The following ANK2 variants were observed in gnomAD, a reference collection of about 807,000 sequenced individuals.
The protein encoded by ANK2 is ankyrin-2.
Under a neutral mutation model 360.5 loss-of-function variants are expected in ANK2, and 83 were observed. The observed-to-expected ratio is 0.23, with a 90% CI of 0.19 to 0.28. The LOEUF (loss-of-function observed/expected upper bound fraction) is 0.28, where lower values mean the gene tolerates loss of function less well. ANK2 is among the 10% of genes least tolerant of loss of function. The pLI, the probability that ANK2 is intolerant of heterozygous loss-of-function variation, is 1.00. For missense variants in ANK2, 4,201 were observed against 4,795.7 expected, an observed-to-expected ratio of 0.88 and a Z score of 3.66; for synonymous variants, 1,740 against 1,759.5, an observed-to-expected ratio of 0.99 and a Z score of 0.28.
chr4:113,194,428 A>G (rs547883452), intron 2 of ANK2, among the ~76,000 whole-genome samples: 1 of 152,284 alleles, frequency 6.6e-6, no homozygotes, highest in South Asian at 2.1e-4. Flanking sequence ...AAGGCAGTCA[A>G]TGGGGAAAGT....
chr4:112,786,645 C>T, the ANK2 span, among the ~76,000 whole-genome samples: 103 of 152,060 alleles, frequency 6.8e-4, 1 homozygote, highest in African/African-American at 2.4e-3. Flanking sequence ...CCACCTCAGC[C>T]TCCTGAAGTG....
intron 8 of ANK2, 25 bp from the exon 9 acceptor site, chr4:113,242,086 C>T (rs2153573062): frequency 6.3e-7 from 1 of 1,584,306 alleles, no homozygotes; most frequent in Non-Finnish European, 8.7e-7. Context: ...CCCAACAGCT[C>T]TTGTTTGGTC....
chr4:113,196,051 G>A (rs1171134262), intron 2 of ANK2, among the ~76,000 whole-genome samples: 2 of 152,106 alleles, frequency 1.3e-5, no homozygotes, highest in African/African-American at 4.8e-5. Context: ...TTTATTTTGT[G>A]CCAGTACAAT....
intron 2 of ANK2, among the ~76,000 whole-genome samples, chr4:112,941,065 A>G (rs550146980): frequency 6.6e-6 from 1 of 152,162 alleles, no homozygotes; most frequent in Non-Finnish European, 1.5e-5. Context: ...TTAGCATAAA[A>G]GTTACTAAAT....
At chr4:113,170,924 T>C (rs1214739514) in intron 1 of ANK2, among the ~76,000 whole-genome samples, 3 of 152,190 alleles carry the variant, frequency 2.0e-5, no homozygotes, top group Admixed American at 1.3e-4. Flanking sequence ...GAATTCCTTG[T>C]CCAGAGTTTG....
intron 24 of ANK2, 78 bp from the exon 25 acceptor site, chr4:113,317,629 C>A: frequency 9.0e-7 from 1 of 1,114,272 alleles, no homozygotes; most frequent in South Asian, 1.3e-5. Context: ...TTTCACTCTC[C>A]TGCTCGGCTC....
chr4:113,125,045 G>T (rs1317448715), intron 1 of ANK2, among the ~76,000 whole-genome samples: 1 of 151,992 alleles, frequency 6.6e-6, no homozygotes, highest in Non-Finnish European at 1.5e-5. Flanking sequence ...AAGACTAATG[G>T]TGTTATTTCA....
chr4:113,196,105 G>T lies in ANK2; in HGVS notation c.187-263G>T, dbSNP rs569441062. ...CTCTTTAAGTCATTTAAAAAATTTA[G>T]AGATTTCTTCGTTTAAAAAAACTGT... is the stretch of plus-strand genomic sequence containing the variant. On this transcript the variant is annotated intron_variant, in intron 2 of 45. Coordinates refer to ENST00000357077, the MANE Select transcript of ANK2 (RefSeq NM_001148.6). Among the ~76,000 whole-genome samples the T allele has an allele frequency of 3.9e-5, 6 of 152,274 alleles. 1 individual carries two copies. The South Asian group carries it at 1.2e-3, about 32-fold the overall frequency.
At chr4:112,991,015 G>A (rs969027197) in intron 2 of ANK2, among the ~76,000 whole-genome samples, 1 of 152,122 alleles carries the variant, frequency 6.6e-6, no homozygotes, top group African/African-American at 2.4e-5. Context: ...ACTTTGGGAG[G>A]CCAAGGCGGG....
At chr4:112,810,159 ATTTTTTT>A in the ANK2 span, among the ~76,000 whole-genome samples, 1,615 of 34,732 alleles carry the variant, frequency 0.046, 17 homozygotes, top group South Asian at 0.073. Flanking sequence ...ATATATATAT[ATTTTTTT>A]TTTTTTTTTT....
chr4:112,901,259 T>C (rs543805748), intron 1 of ANK2, among the ~76,000 whole-genome samples: 208 of 152,272 alleles, frequency 1.4e-3, no homozygotes, highest in African/African-American at 4.5e-3. Flanking sequence ...TATTCAGATA[T>C]GGGTTTTTAG....
chr4:112,746,688 T>TA, the ANK2 span, among the ~76,000 whole-genome samples: 2 of 152,182 alleles, frequency 1.3e-5, no homozygotes, highest in Admixed American at 6.6e-5. Context: ...TGCAGATTTG[T>TA]AAAATAGAAA....
At chr4:112,972,808 G>A (rs948741064) in intron 2 of ANK2, among the ~76,000 whole-genome samples, 2 of 151,934 alleles carry the variant, frequency 1.3e-5, no homozygotes, top group South Asian at 4.2e-4. Context: ...AGAAAACATG[G>A]TATATATATA....
chr4:113,082,614 T>C (rs2082867212), intron 1 of ANK2, among the ~76,000 whole-genome samples: 1 of 152,230 alleles, frequency 6.6e-6, no homozygotes, highest in Admixed American at 6.5e-5. Context: ...ATTTTGTCAA[T>C]CGTACTTTTG....
intron 1 of ANK2, among the ~76,000 whole-genome samples, chr4:113,139,357 C>T (rs2096556891): frequency 6.6e-6 from 1 of 152,202 alleles, no homozygotes; most frequent in Admixed American, 6.5e-5. Context: ...AAACTTACTA[C>T]AAGTGTTTAT....
the ANK2 span, among the ~76,000 whole-genome samples, chr4:112,754,976 T>C: frequency 2.0e-5 from 3 of 152,216 alleles, no homozygotes; most frequent in Non-Finnish European, 4.4e-5. Context: ...AATCTACCAG[T>C]TGGGAAAATC....
At chr4:112,779,435 C>T in the ANK2 span, among the ~76,000 whole-genome samples, 831 of 152,118 alleles carry the variant, frequency 5.5e-3, 4 homozygotes, top group African/African-American at 0.018. Context: ...AGGATAATGG[C>T]GTGAACCCGG....
intron 1 of ANK2, among the ~76,000 whole-genome samples, chr4:112,875,498 T>TTATTTATA (rs1004314746): frequency 8.6e-5 from 13 of 151,654 alleles, no homozygotes; most frequent in African/African-American, 2.7e-4. Context: ...ATTTATTTAT[T>TTATTTATA]TATTTATTTA....
At chr4:112,889,547 C>T (rs1186852615) in intron 1 of ANK2, among the ~76,000 whole-genome samples, 1 of 151,332 alleles carries the variant, frequency 6.6e-6, no homozygotes, top group Non-Finnish European at 1.5e-5. Context: ...TTAGATTTTT[C>T]TATTTTTTTC....
Sources: gnomAD v4.1 joint callset for allele counts (sites outside exome capture counted in the v4.1 genomes callset) on GRCh38, gnomAD v4.1.1 for gene constraint, MANE v1.5 for transcripts, NCBI Gene and HGNC (gene_info 2026-07-23, HGNC 2026-07-21) for gene names.